SH3BGRL: variants seen among roughly 807,000 people sequenced by gnomAD.
SH3BGRL encodes the protein adapter SH3BGRL.
Under a neutral mutation model 9.8 loss-of-function variants are expected in SH3BGRL, and 7 were observed. The ratio of observed to expected loss-of-function variants is 0.72; its 90% CI spans 0.41 to 1.35. The LOEUF is 1.35. Ranked by LOEUF, SH3BGRL falls within the 40% of genes most tolerant of loss-of-function variation. SH3BGRL has a pLI of 0.01. For missense variants in SH3BGRL, 73 were observed against 84.4 expected (o/e 0.86, Z 0.53); for synonymous variants, 36 against 29.1 (o/e 1.24, Z -0.76).
At chrX:81,216,200 G>A (rs1959183860) in intron 1 of SH3BGRL, among the ~76,000 whole-genome samples, 1 of 110,606 alleles carries the variant, frequency 9.0e-6, no homozygotes, top group South Asian at 3.8e-4. Flanking sequence ...TCTTTTCCAA[G>A]GGTTATAGGA....
chrX:81,295,121 T>C (rs1229573698), intron 3 of SH3BGRL, among the ~76,000 whole-genome samples: 1 of 111,783 alleles, frequency 8.9e-6, no homozygotes, highest in African/African-American at 3.3e-5. Context: ...GGATTTTTGG[T>C]TTAATGCTGA....
At chrX:81,208,869 A>G (rs774185008) in intron 1 of SH3BGRL, among the ~76,000 whole-genome samples, 180 of 111,668 alleles carry the variant, frequency 1.6e-3, no homozygotes, top group African/African-American at 5.6e-3. Flanking sequence ...AATCTTGCAG[A>G]TTGCCAGAAC....
At chrX:81,253,740 A>G (rs2075717560) in intron 1 of SH3BGRL, among the ~76,000 whole-genome samples, 1 of 112,189 alleles carries the variant, frequency 8.9e-6, no homozygotes, top group South Asian at 3.7e-4. Context: ...ATGTTGGCAT[A>G]CGATTTTTTA....
chrX:81,275,700 TA>T (rs2075796598), intron 1 of SH3BGRL, among the ~76,000 whole-genome samples: 1 of 112,383 alleles, frequency 8.9e-6, no homozygotes, highest in Non-Finnish European at 1.9e-5. Context: ...AATTACCTTG[TA>T]GCAAGTTTTG....
chrX:81,215,267 A>G (rs768197717), intron 1 of SH3BGRL, among the ~76,000 whole-genome samples: 10 of 110,875 alleles, frequency 9.0e-5, no homozygotes, highest in Non-Finnish European at 1.9e-4. Context: ...TACATGTACC[A>G]TATAAACACT....
At chrX:81,238,580 G>C (rs1393178278) in intron 1 of SH3BGRL, among the ~76,000 whole-genome samples, 1 of 111,844 alleles carries the variant, frequency 8.9e-6, no homozygotes, top group African/African-American at 3.3e-5. Flanking sequence ...ACCACACTGA[G>C]GAGAAGAACA....
At position 81,276,993 on chromosome X, in the gene SH3BGRL, AAAC is replaced by A; in HGVS notation, c.61_63del (p.Gln21del). 1 of 1,206,098 alleles carries A rather than the reference AAAC, an allele frequency of 8.3e-7. No homozygotes were observed. The highest frequency in any genetic ancestry group is 1.1e-6 in the Non-Finnish European group (1 of 892,948). On this transcript the variant is annotated inframe_deletion, in exon 2 of 4. Transcript: ENST00000373212. Reference sequence around the variant, plus strand: ...TGTCCTTTGGTCCTAGATTAAGAAGAAACAACAAGATGTGCTTGGTTTCCTAGA... The same window carrying A: ...TGTCCTTTGGTCCTAGATTAAGAAGAAACAAGATGTGCTTGGTTTCCTAGA...
At chrX:81,290,494 C>T (rs1040072746) in intron 3 of SH3BGRL, among the ~76,000 whole-genome samples, 2 of 111,243 alleles carry the variant, frequency 1.8e-5, no homozygotes, top group Non-Finnish European at 3.8e-5. Context: ...ACGATCACCA[C>T]GTTCTCACTT....
intron 3 of SH3BGRL, among the ~76,000 whole-genome samples, chrX:81,280,844 A>G (rs1193918856): frequency 1.8e-5 from 2 of 111,500 alleles, no homozygotes; most frequent in Non-Finnish European, 3.8e-5. Context: ...CTGAAAAAGA[A>G]TTCAGGGGGT....
At chrX:81,226,532 C>G (rs1380072648) in intron 1 of SH3BGRL, among the ~76,000 whole-genome samples, 2 of 101,612 alleles carry the variant, frequency 2.0e-5, no homozygotes, top group African/African-American at 3.5e-5. Context: ...CTATATCTCT[C>G]TCTCTATATA....
At chrX:81,275,116 A>G (rs1187588272) in intron 1 of SH3BGRL, among the ~76,000 whole-genome samples, 1 of 111,746 alleles carries the variant, frequency 8.9e-6, no homozygotes, top group Non-Finnish European at 1.9e-5. Context: ...CGACAAAGTA[A>G]GCATTCAATA....
intron 1 of SH3BGRL, among the ~76,000 whole-genome samples, chrX:81,212,517 A>G (rs1022268959): frequency 1.8e-5 from 2 of 112,126 alleles, no homozygotes; most frequent in East Asian, 2.8e-4. Context: ...GTGACTAAAC[A>G]TTTACAAATT....
intron 1 of SH3BGRL, among the ~76,000 whole-genome samples, chrX:81,213,224 A>T (rs192220073): frequency 7.6e-4 from 85 of 111,935 alleles, no homozygotes; most frequent in African/African-American, 2.8e-3. Context: ...TATAAGAAAA[A>T]AATAGTTGAC....
chrX:81,252,842 A>G (rs377315347), intron 1 of SH3BGRL, among the ~76,000 whole-genome samples: 83 of 111,426 alleles, frequency 7.4e-4, no homozygotes, highest in Admixed American at 1.3e-3. Context: ...GAGTATTTGA[A>G]TTTCTACAAT....
At chrX:81,283,513 C>T (rs960722138) in intron 3 of SH3BGRL, among the ~76,000 whole-genome samples, 1 of 111,901 alleles carries the variant, frequency 8.9e-6, no homozygotes, top group Non-Finnish European at 1.9e-5. Flanking sequence ...GATGGTTTAA[C>T]ACACACAAGT....
chrX:81,284,084 A>C (rs913984440), intron 3 of SH3BGRL, among the ~76,000 whole-genome samples: 11 of 110,417 alleles, frequency 1.0e-4, no homozygotes, highest in Admixed American at 9.7e-5. Context: ...GAAAAAAAAA[A>C]CCCACTTAGG....
At chrX:81,237,369 G>A (rs1328232752) in intron 1 of SH3BGRL, 6 of 293,224 alleles carry the variant, frequency 2.0e-5, no homozygotes, top group African/African-American at 1.1e-4. Flanking sequence ...CACCAGTGTC[G>A]CCCATAACTC....
At chrX:81,247,840 G>A (rs1315647443) in intron 1 of SH3BGRL, among the ~76,000 whole-genome samples, 1 of 110,330 alleles carries the variant, frequency 9.1e-6, no homozygotes, top group Non-Finnish European at 1.9e-5. Flanking sequence ...TAAGGGAGAT[G>A]TCCTTCCTCC....
intron 3 of SH3BGRL, among the ~76,000 whole-genome samples, chrX:81,281,577 T>C (rs1489479521): frequency 8.9e-6 from 1 of 112,085 alleles, no homozygotes; most frequent in Non-Finnish European, 1.9e-5. Flanking sequence ...TTAAGCATCA[T>C]ATATGAAGGA....
Sources: allele counts gnomAD v4.1 joint callset (sites outside exome capture counted in the v4.1 genomes callset), GRCh38; gene constraint gnomAD v4.1.1; transcripts MANE v1.5; gene names NCBI Gene and HGNC (gene_info 2026-07-23, HGNC 2026-07-21).